COXFA4L3: variants seen among roughly 807,000 people sequenced by gnomAD.
COXFA4L3 encodes cytochrome c oxidase associated subunit FA4L3.
the COXFA4L3 span, chr15:45,432,939 T>C: frequency 6.3e-7 from 1 of 1,593,574 alleles, no homozygotes; most frequent in Non-Finnish European, 8.5e-7. Flanking sequence ...TTTCCTTTTT[T>C]CTCTTCAGCT....
At chr15:45,431,968 C>A in the COXFA4L3 span, 1 of 903,388 alleles carries the variant, frequency 1.1e-6, no homozygotes, top group Non-Finnish European at 1.7e-6. Context: ...AGACACATGC[C>A]TTAGTATGAG....
At chr15:45,431,230 A>T in the COXFA4L3 span, 1 of 549,960 alleles carries the variant, frequency 1.8e-6, no homozygotes, top group African/African-American at 1.9e-5. Flanking sequence ...AGCATCTTTT[A>T]TCAGAAAACT....
the COXFA4L3 span, among the ~76,000 whole-genome samples, chr15:45,431,675 C>T: frequency 1.3e-5 from 2 of 152,080 alleles, no homozygotes; most frequent in South Asian, 2.1e-4. Context: ...GTCCTCTAAC[C>T]GCTGGCAGAG....
the COXFA4L3 span, chr15:45,433,176 A>C: frequency 1.3e-6 from 1 of 779,168 alleles, no homozygotes; most frequent in South Asian, 1.4e-5. Context: ...AAAGGAGTGC[A>C]GCAATAACTG....
At chr15:45,430,781 C>T in the COXFA4L3 span, 3 of 1,607,576 alleles carry the variant, frequency 1.9e-6, no homozygotes, top group Non-Finnish European at 2.5e-6. Context: ...TTTGGCAATT[C>T]TTCGCTGAAG....
chr15:45,432,037 TC>T, the COXFA4L3 span: 1 of 1,591,996 alleles, frequency 6.3e-7, no homozygotes, highest in Non-Finnish European at 8.6e-7. Context: ...TAAATTCACA[TC>T]TTTTAATGTT....
the COXFA4L3 span, chr15:45,433,046 A>G: frequency 1.9e-6 from 3 of 1,587,124 alleles, no homozygotes; most frequent in African/African-American, 1.3e-5. Context: ...TCTGAAGAGT[A>G]CTCTATAAAT....
the COXFA4L3 span, chr15:45,431,190 C>A: frequency 2.2e-6 from 2 of 894,382 alleles, no homozygotes; most frequent in Non-Finnish European, 3.4e-6. Context: ...ATGAGAATGC[C>A]AAATTGTGAA....
the COXFA4L3 span, chr15:45,430,775 G>A: frequency 3.7e-4 from 594 of 1,606,926 alleles, 3 homozygotes; most frequent in African/African-American, 7.3e-3. Context: ...TCTAGATTTG[G>A]CAATTCTTCG....
chr15:45,432,629 C>T, the COXFA4L3 span, among the ~76,000 whole-genome samples: 1 of 152,186 alleles, frequency 6.6e-6, no homozygotes, highest in Non-Finnish European at 1.5e-5. Flanking sequence ...TGTGCCACTG[C>T]ACTCCAGCCT....
At chr15:45,431,311 C>T in the COXFA4L3 span, 6 of 434,398 alleles carry the variant, frequency 1.4e-5, no homozygotes, top group African/African-American at 1.2e-4. Context: ...TTAAAAAAAC[C>T]CATGATATTA....
At chr15:45,432,392 C>T in the COXFA4L3 span, among the ~76,000 whole-genome samples, 2 of 152,238 alleles carry the variant, frequency 1.3e-5, no homozygotes, top group East Asian at 1.9e-4. Flanking sequence ...CGGCCAGGCA[C>T]GGTGTCTCAC....
the COXFA4L3 span, chr15:45,433,319 C>A: frequency 3.4e-6 from 1 of 290,576 alleles, no homozygotes. Context: ...AATAAAATGC[C>A]ATTTGTGCAA....
the COXFA4L3 span, among the ~76,000 whole-genome samples, chr15:45,432,573 G>A: frequency 1.8e-3 from 276 of 152,318 alleles, no homozygotes; most frequent in African/African-American, 3.6e-3. Context: ...GCTGAGGCAC[G>A]AAAATTGCTT....
At chr15:45,433,191 G>A in the COXFA4L3 span, 3 of 658,392 alleles carry the variant, frequency 4.6e-6, no homozygotes, top group Non-Finnish European at 8.5e-6. Context: ...TAACTGCACT[G>A]TCTAAAAGTT....
chr15:45,431,023 T>C, the COXFA4L3 span: 1 of 1,614,230 alleles, frequency 6.2e-7, no homozygotes, highest in Non-Finnish European at 8.5e-7. Flanking sequence ...GTGGTGTTCA[T>C]GACTGTGGCG....
the COXFA4L3 span, chr15:45,432,811 A>T: frequency 1.5e-6 from 1 of 660,948 alleles, no homozygotes; most frequent in Admixed American, 2.9e-5. Flanking sequence ...CATGTTTTAG[A>T]TATGGAAAGA....
At chr15:45,430,906 G>T in the COXFA4L3 span, 1 of 1,568,756 alleles carries the variant, frequency 6.4e-7, no homozygotes, top group South Asian at 1.1e-5. Context: ...CACAGATTTT[G>T]AACAAAGTAT....
the COXFA4L3 span, chr15:45,433,005 G>A: frequency 1.2e-6 from 2 of 1,613,654 alleles, no homozygotes; most frequent in Admixed American, 3.3e-5. Flanking sequence ...TGTCCAAAGG[G>A]TGACCAAATG....
Sources: allele counts gnomAD v4.1 joint callset (sites outside exome capture counted in the v4.1 genomes callset), GRCh38; gene constraint gnomAD v4.1.1; transcripts MANE v1.5; gene names NCBI Gene and HGNC (gene_info 2026-07-23, HGNC 2026-07-21).